The following INPP4B variants were observed in gnomAD, a reference collection of about 807,000 sequenced individuals.
INPP4B encodes inositol polyphosphate 4-phosphatase type II.
Under a neutral mutation model 122.5 loss-of-function variants are expected in INPP4B, and 55 were observed. The ratio of observed to expected loss-of-function variants is 0.45; its 90% CI spans 0.36 to 0.56. INPP4B has a LOEUF of 0.56. Among genes scored for constraint, INPP4B ranks in the 20% least tolerant of loss-of-function variants. The pLI, the probability that INPP4B is intolerant of heterozygous loss-of-function variation, is 0.00. For synonymous variants in INPP4B, 403 were observed against 388.7 expected (o/e 1.04, Z -0.43); for missense variants, 1,000 against 1,097.7 (o/e 0.91, Z 1.26).
At position 142,535,714 on chromosome 4, in the gene INPP4B, TTAA is replaced by T. The variant is rs145528699; in HGVS notation, c.-190-72991_-190-72989del. On this transcript the variant is annotated intron_variant, in intron 2 of 25. Coordinates refer to ENST00000262992, the MANE Select transcript of INPP4B (RefSeq NM_001101669.3). ...TTATGATAATGACTATTTAAATCAA[TTAA>T]TAATATGTGTGTGCATATTTCCTAA... Among the ~76,000 whole-genome samples the T allele has an allele frequency of 2.1e-3, 319 of 152,322 alleles. 3 individuals carry two copies. Among genetic ancestry groups the T allele is most frequent in the African/African-American group, 7.2e-3 (300 of 41,576 alleles).
chr4:142,140,406 G>T lies in INPP4B; in HGVS notation c.1720+5434C>A, dbSNP rs569117851. ...AATGATATGAATGGGTGAACATAGA[G>T]CTGGTTGAACACACATCCCCAAAGG... On this transcript the variant is annotated intron_variant, in intron 18 of 25. Transcript: ENST00000262992. Among the ~76,000 whole-genome samples the T allele has an allele frequency of 5.3e-5, 8 of 152,314 alleles. No individual in the cohort carries two copies. The East Asian group carries it at 1.5e-3, about 29-fold the overall frequency.
chr4:142,738,100 C>A (rs914934423), intron 1 of INPP4B, among the ~76,000 whole-genome samples: 2 of 152,152 alleles, frequency 1.3e-5, no homozygotes, highest in African/African-American at 4.8e-5. Context: ...CCAGCCATCC[C>A]ATTACTGGGT....
intron 2 of INPP4B, among the ~76,000 whole-genome samples, chr4:142,590,881 CAA>C (rs59459819): frequency 0.032 from 3,022 of 93,586 alleles, 73 homozygotes; most frequent in African/African-American, 0.12. Flanking sequence ...TATCATTCTC[CAA>C]AAAAAAAAAA....
At chr4:142,810,904 T>C (rs1779431917) in intron 1 of INPP4B, among the ~76,000 whole-genome samples, 1 of 152,214 alleles carries the variant, frequency 6.6e-6, no homozygotes, top group South Asian at 2.1e-4. Flanking sequence ...ATTCAAAAAA[T>C]ACATTGGTTT....
At chr4:142,120,559 C>G (rs1448657669) in intron 21 of INPP4B, among the ~76,000 whole-genome samples, 3 of 151,998 alleles carry the variant, frequency 2.0e-5, no homozygotes, top group Admixed American at 2.0e-4. Flanking sequence ...AAGTTTATAC[C>G]TATTCTTTTC....
At chr4:142,338,805 T>C (rs1376014967) in intron 7 of INPP4B, among the ~76,000 whole-genome samples, 3 of 152,206 alleles carry the variant, frequency 2.0e-5, no homozygotes, top group African/African-American at 7.2e-5. Flanking sequence ...CTCTTCTACT[T>C]GTTCCTTCAG....
intron 2 of INPP4B, among the ~76,000 whole-genome samples, chr4:142,614,059 C>T (rs116018137): frequency 0.011 from 1,750 of 152,210 alleles, 31 homozygotes; most frequent in African/African-American, 0.032. Context: ...ACTGAAACAG[C>T]ATAGTGCTGG....
At chr4:142,807,071 T>C (rs1778956196) in intron 1 of INPP4B, among the ~76,000 whole-genome samples, 1 of 152,202 alleles carries the variant, frequency 6.6e-6, no homozygotes, top group African/African-American at 2.4e-5. Flanking sequence ...ATAAATTTTT[T>C]GTGTTTGTAA....
chr4:142,803,426 CTTT>C (rs1778272997), intron 1 of INPP4B, among the ~76,000 whole-genome samples: 1 of 151,278 alleles, frequency 6.6e-6, no homozygotes, highest in Admixed American at 6.6e-5. Context: ...ATTTTTAGTT[CTTT>C]ATTTCCTTGT....
chr4:142,628,961 C>G (rs535695896), intron 2 of INPP4B, among the ~76,000 whole-genome samples: 1 of 152,148 alleles, frequency 6.6e-6, no homozygotes, highest in African/African-American at 2.4e-5. Context: ...AAACAAAATC[C>G]ACCTCTCTCA....
At chr4:142,042,042 T>G (rs1488331384) in intron 25 of INPP4B, among the ~76,000 whole-genome samples, 1 of 152,176 alleles carries the variant, frequency 6.6e-6, no homozygotes, top group African/African-American at 2.4e-5. Context: ...TTTTGTATTC[T>G]CTATACTCCA....
chr4:142,736,389 C>A (rs1158635429), intron 1 of INPP4B, among the ~76,000 whole-genome samples: 2 of 152,114 alleles, frequency 1.3e-5, no homozygotes, highest in East Asian at 3.8e-4. Context: ...ATTCCCTTAT[C>A]AGCTTTCCTG....
At chr4:142,090,707 T>TA (rs376500367) in intron 23 of INPP4B, among the ~76,000 whole-genome samples, 13 of 42,258 alleles carry the variant, frequency 3.1e-4, no homozygotes, top group Non-Finnish European at 1.7e-3. Flanking sequence ...AATAGTATTC[T>TA]TTTTTTTTTC....
chr4:142,496,071 T>C (rs557769827), intron 2 of INPP4B, among the ~76,000 whole-genome samples: 3 of 152,274 alleles, frequency 2.0e-5, no homozygotes, highest in Non-Finnish European at 4.4e-5. Flanking sequence ...ATTTATTCAG[T>C]TTTTGTAGTT....
intron 3 of INPP4B, among the ~76,000 whole-genome samples, chr4:142,456,787 G>A (rs537018398): frequency 6.6e-6 from 1 of 152,058 alleles, no homozygotes; most frequent in African/African-American, 2.4e-5. Context: ...ATAGATGATT[G>A]AATATAAATA....
At chr4:142,188,411 T>C (rs2627824) in intron 15 of INPP4B, among the ~76,000 whole-genome samples, 147,968 of 149,108 alleles carry the variant, frequency 0.99, 73,425 homozygotes, top group East Asian at 1. Flanking sequence ...GGTGTGGACC[T>C]GGAAGGCAGA....
At chr4:142,352,582 CT>C (rs1417895690) in intron 7 of INPP4B, among the ~76,000 whole-genome samples, 1 of 151,756 alleles carries the variant, frequency 6.6e-6, no homozygotes, top group Non-Finnish European at 1.5e-5. Flanking sequence ...TCACTTGCTA[CT>C]TTAATATAAT....
intron 17 of INPP4B, among the ~76,000 whole-genome samples, chr4:142,156,561 C>A (rs1817305694): frequency 6.6e-6 from 1 of 152,084 alleles, no homozygotes; most frequent in Non-Finnish European, 1.5e-5. Flanking sequence ...TAATTGTTTA[C>A]TAGCTTTTCA....
chr4:142,688,362 A>AC (rs989604279), intron 2 of INPP4B, among the ~76,000 whole-genome samples: 1 of 151,882 alleles, frequency 6.6e-6, no homozygotes, highest in African/African-American at 2.4e-5. Flanking sequence ...ACCATGAGTG[A>AC]TTTTTTTTGC....
Sources: gnomAD v4.1 joint callset for allele counts (sites outside exome capture counted in the v4.1 genomes callset) on GRCh38, gnomAD v4.1.1 for gene constraint, MANE v1.5 for transcripts, NCBI Gene and HGNC (gene_info 2026-07-23, HGNC 2026-07-21) for gene names.